INF2: variants seen among roughly 807,000 people sequenced by gnomAD.
INF2 encodes the protein inverted formin 2, also known as inverted formin-2.
INF2 carries 43 observed loss-of-function variants against 123.5 expected under a neutral mutation model. The observed-to-expected ratio is 0.35, with a 90% CI of 0.27 to 0.45. The LOEUF (loss-of-function observed/expected upper bound fraction) is 0.45, where lower values mean the gene tolerates loss of function less well. INF2 is among the 20% of genes least tolerant of loss of function. INF2 has a pLI of 1.00. For synonymous variants in INF2, 851 were observed against 745.0 expected (o/e 1.14, Z -2.32); for missense variants, 1,453 against 1,682.7 (o/e 0.86, Z 2.39).
At position 104,699,658 on chromosome 14, in the gene INF2, A is replaced by C; in HGVS notation, c.-9-1699A>C. ...GGGCCTGGGAGGGTGGCTTAAAACC[A>C]CAGTGCACCGGGGGCTCCGGGCTCT... is the stretch of plus-strand genomic sequence containing the variant. On this transcript the variant is annotated intron_variant, in intron 1 of 22. Coordinates refer to ENST00000392634, the MANE Select transcript of INF2 (RefSeq NM_022489.4). This position sits in a 1 kb window ranked among gnomAD's most constrained non-coding sequence, Gnocchi z 4.7. 1 of 915,906 alleles carries C rather than the reference A, an allele frequency of 1.1e-6. No homozygotes were observed. Among genetic ancestry groups the C allele is most frequent in the Non-Finnish European group, 1.3e-6 (1 of 766,368 alleles). The allele number at this position is 915,906 out of a possible 1,614,324, so 56.7% of individuals were successfully genotyped here. A position where few individuals can be genotyped will look rare whatever the true frequency, so the allele number is the denominator to read the frequency against.
At chr14:104,708,045 G>A (rs1889868137) in intron 8 of INF2, 43 bp downstream of exon 8, 1 of 1,597,742 alleles carries the variant, frequency 6.3e-7, no homozygotes, top group Non-Finnish European at 8.5e-7. Context: ...CCCTAGGACG[G>A]GGGCTGGTCT....
upstream of INF2, chr14:104,689,595 C>G (rs1271944962): frequency 6.4e-6 from 4 of 625,338 alleles, no homozygotes; most frequent in East Asian, 4.3e-4. Context: ...CTTCCTCCCG[C>G]CCGCCCCGCC....
chr14:104,681,226 G>T (rs1888519493), exon 1 of INF2: 2 of 340,610 alleles, frequency 5.9e-6, no homozygotes, highest in Non-Finnish European at 5.8e-6. Context: ...CAAAAAGCAG[G>T]GGTAGGGAAG....
upstream of INF2, chr14:104,689,516 CCCCCAGGCCCCG>C: frequency 2.1e-6 from 1 of 475,404 alleles, no homozygotes; most frequent in Non-Finnish European, 2.7e-6. Context: ...CCCACCTCCC[CCCCCAGGCCCCG>C]CCCCCGGCCC....
In INF2 at chr14:104,722,351, A is replaced by C. The variant is rs1890579320; in HGVS notation, c.*3558A>C. On this transcript the variant is annotated 3_prime_UTR_variant, in exon 23 of 23. Coordinates refer to ENST00000392634, the MANE Select transcript of INF2 (RefSeq NM_022489.4). ...AGTGAGGTGGTCTAGCATGTCCCCC[A>C]GTCCCCCAAGCCTCTATCTGACATC... The C allele has an allele frequency of 6.6e-6, 1 of 152,248 alleles. No homozygotes were observed. Among genetic ancestry groups the C allele is most frequent in the African/African-American group, 2.4e-5 (1 of 41,416 alleles). The allele number at this position is 152,248 out of a possible 1,614,324, so 9.4% of individuals were successfully genotyped here.
chr14:104,703,529 G>T (rs554620962), intron 4 of INF2, 75 bp downstream of exon 4: 16 of 1,573,978 alleles, frequency 1.0e-5, no homozygotes, highest in Non-Finnish European at 1.2e-5. Flanking sequence ...GCATCCACCT[G>T]GGGAGGTGGG....
chr14:104,706,532 T>G (rs995812800), intron 6 of INF2, among the ~76,000 whole-genome samples: 2 of 152,148 alleles, frequency 1.3e-5, no homozygotes, highest in East Asian at 1.9e-4. Context: ...CCTCAGGGCT[T>G]GGTGAGGGGC....
chr14:104,695,056 G>A (rs1034831971), intron 1 of INF2, among the ~76,000 whole-genome samples: 1 of 152,160 alleles, frequency 6.6e-6, no homozygotes, highest in Non-Finnish European at 1.5e-5. Context: ...GTCTGGTCCG[G>A]GGGGAGGAAA....
Position 104,714,712 on chromosome 14 carries a change from G to T in INF2, c.3550G>T (p.Ala1184Ser). The T allele has an allele frequency of 6.2e-7, 1 of 1,609,142 alleles. No individual in the cohort carries two copies. Among genetic ancestry groups the T allele is most frequent in the Non-Finnish European group, 8.5e-7 (1 of 1,177,528 alleles). The stretch of plus-strand genomic sequence containing the variant: ...CGAGGAGGACACGGCCCCAGAGTCC[G>T]CACTGGACACATCCCTGGACAAGTC... Reference protein sequence around the residue: ...EDEEDTAPESALDTSLDKSFS... With the variant: ...EDEEDTAPESSLDTSLDKSFS... The change falls in exon 21 of 23, where the codon GCA becomes TCA. Residue 1184 changes from alanine (A) to serine (S), a missense_variant. Ala to Ser is a moderately conservative substitution (Grantham distance 99, BLOSUM62 1). Coordinates refer to ENST00000392634, the MANE Select transcript of INF2 (RefSeq NM_022489.4).
In INF2 at chr14:104,692,420, A is replaced by G. The variant is rs575020943; in HGVS notation, c.-10+2681A>G. Among the ~76,000 whole-genome samples the G allele has an allele frequency of 3.9e-5, 6 of 152,192 alleles. No individual in the cohort carries two copies. The South Asian group carries it at 1.2e-3, about 32-fold the overall frequency. ...GGTGCCAGGCAGGTGCAGGGCACTTACTGGGGGTCAGGGTGCAAATGGGCT... is the reference window on the plus strand; with the variant it reads ...GGTGCCAGGCAGGTGCAGGGCACTTGCTGGGGGTCAGGGTGCAAATGGGCT... On this transcript the variant is annotated intron_variant, in intron 1 of 22. Transcript: ENST00000392634.
rs1228559690 is a variant in INF2 at position 104,699,914 on chromosome 14, G to GC, written c.-9-1438dup. Among the ~76,000 whole-genome samples, 2 of 152,134 alleles carry GC rather than the reference G, an allele frequency of 1.3e-5. No individual in the cohort carries two copies. Among genetic ancestry groups the GC allele is most frequent in the Non-Finnish European group, 2.9e-5 (2 of 67,992 alleles). On this transcript the variant is annotated intron_variant, in intron 1 of 22. Coordinates refer to ENST00000392634, the MANE Select transcript of INF2 (RefSeq NM_022489.4). This position sits in a 1 kb window ranked among gnomAD's most constrained non-coding sequence, Gnocchi z 4.7. Reference sequence around the variant, plus strand: ...GCTGCCTCCTGGAAGGAGCCCACTGGCCCCCTGGGGCAGTTGGACAGGTGG... The same window carrying GC: ...GCTGCCTCCTGGAAGGAGCCCACTGGCCCCCCTGGGGCAGTTGGACAGGTGG...
chr14:104,704,087 A>G, intron 5 of INF2, 138 bp downstream of exon 5: 1 of 1,514,912 alleles, frequency 6.6e-7, no homozygotes, highest in African/African-American at 1.4e-5. Flanking sequence ...GAGTAACCCC[A>G]GGGGTCCAGC....
rs1185490052 is a variant in INF2, at chr14:104,699,420, G to A, written c.-9-1937G>A. Reference sequence around the variant, plus strand: ...GCTGCCTGGCTCTTCATGGTGGTGGGAGCAACCCTACTGCCACCAGGAGGG... The same window carrying A: ...GCTGCCTGGCTCTTCATGGTGGTGGAAGCAACCCTACTGCCACCAGGAGGG... On this transcript the variant is annotated intron_variant, in intron 1 of 22. Transcript: ENST00000392634. This position sits in a 1 kb window ranked among gnomAD's most constrained non-coding sequence, Gnocchi z 4.7. 2 of 985,234 alleles carry A rather than the reference G, an allele frequency of 2.0e-6. No homozygotes were observed. The highest frequency in any genetic ancestry group is 3.5e-5 in the African/African-American group (2 of 57,210). The allele number at this position is 985,234 out of a possible 1,614,324, so 61.0% of individuals were successfully genotyped here. A position where few individuals can be genotyped will look rare whatever the true frequency, so the allele number is the denominator to read the frequency against.
intron 20 of INF2, 104 bp from the exon 21 acceptor site, chr14:104,714,099 A>T: frequency 1.0e-6 from 1 of 999,658 alleles, no homozygotes; most frequent in Non-Finnish European, 1.4e-6. Flanking sequence ...TCTGGGGAGG[A>T]GGTTTTGCAG....
intron 12 of INF2, 89 bp from the exon 13 acceptor site, chr14:104,709,999 C>A: frequency 1.7e-6 from 2 of 1,176,104 alleles, no homozygotes; most frequent in South Asian, 1.3e-5. Flanking sequence ...CTTTGCCCAC[C>A]ACCCAAGCCA....
upstream of INF2, among the ~76,000 whole-genome samples, chr14:104,688,089 G>T (rs1002641732): frequency 3.9e-5 from 6 of 152,276 alleles, no homozygotes; most frequent in Admixed American, 3.3e-4. Context: ...CCTGGAGCCC[G>T]GTGTGGAGGG....
rs1020984245 is a variant in INF2 at position 104,699,927 on chromosome 14, G to A, written c.-9-1430G>A. On this transcript the variant is annotated intron_variant, in intron 1 of 22. Coordinates refer to ENST00000392634, the MANE Select transcript of INF2 (RefSeq NM_022489.4). This position sits in a 1 kb window ranked among gnomAD's most constrained non-coding sequence, Gnocchi z 4.7. ...AGGAGCCCACTGGCCCCCTGGGGCA[G>A]TTGGACAGGTGGAGGGCTGAGGGGC... Among the ~76,000 whole-genome samples, 7 of 152,146 alleles carry A rather than the reference G, an allele frequency of 4.6e-5. No individual in the cohort carries two copies. Among genetic ancestry groups the A allele is most frequent in the Non-Finnish European group, 1.0e-4 (7 of 67,998 alleles).
intron 5 of INF2, 54 bp downstream of exon 5, chr14:104,704,003 G>T: frequency 6.2e-7 from 1 of 1,603,960 alleles, no homozygotes. Context: ...CCCAAGGCCA[G>T]GCCCACCTGC....
rs191655852 is a variant in INF2 at position 104,709,730 on chromosome 14, C to T, written c.2138+25C>T. The T allele has an allele frequency of 1.1e-4, 168 of 1,595,380 alleles. No homozygotes were observed. The East Asian group carries it at 2.8e-3, about 27-fold the overall frequency. Reference sequence around the variant, plus strand: ...GGTGAGCATGGCCGCCCTCAGACCCCAGGGCCTGGGCCCCAGGTGGGAGGA... The same window carrying T: ...GGTGAGCATGGCCGCCCTCAGACCCTAGGGCCTGGGCCCCAGGTGGGAGGA... On this transcript the variant is annotated intron_variant, in intron 12 of 22. Coordinates refer to ENST00000392634, the MANE Select transcript of INF2 (RefSeq NM_022489.4).
Sources: allele counts gnomAD v4.1 joint callset (sites outside exome capture counted in the v4.1 genomes callset), GRCh38; gene constraint gnomAD v4.1.1; non-coding constraint Gnocchi (gnomAD v3.1); transcripts MANE v1.5; gene names NCBI Gene and HGNC (gene_info 2026-07-23, HGNC 2026-07-21).